The following MMD2 variants were observed in gnomAD, a reference collection of about 807,000 sequenced individuals.
MMD2 encodes monocyte to macrophage differentiation associated 2, also known as monocyte to macrophage differentiation factor 2.
MMD2 carries 30 observed loss-of-function variants against 33.5 expected under a neutral mutation model. The observed-to-expected ratio is 0.90, with a 90% confidence interval of 0.67 to 1.22. The LOEUF (loss-of-function observed/expected upper bound fraction) is 1.22. Ranked by LOEUF, MMD2 falls within the 50% of genes most tolerant of loss-of-function variation. The pLI is 0.00. For missense variants in MMD2, 364 were observed against 325.4 expected (o/e 1.12, Z -0.91); for synonymous variants, 129 against 123.0 (o/e 1.05, Z -0.32).
chr7:4,926,424 C>T (rs987318425), intron 1 of MMD2, among the ~76,000 whole-genome samples: 1 of 151,966 alleles, frequency 6.6e-6, no homozygotes, highest in Non-Finnish European at 1.5e-5. Flanking sequence ...TCTCTAAGTA[C>T]AACTTACAGA....
intron 6 of MMD2, among the ~76,000 whole-genome samples, chr7:4,908,661 G>A (rs112336004): frequency 0.012 from 1,782 of 151,620 alleles, 36 homozygotes; most frequent in African/African-American, 0.041. Context: ...GCACTTTGGA[G>A]GCTAAGGAGG....
chr7:4,923,504 A>T (rs1785339166), intron 2 of MMD2, among the ~76,000 whole-genome samples: 1 of 152,064 alleles, frequency 6.6e-6, no homozygotes, highest in Non-Finnish European at 1.5e-5. Context: ...ACTCACAGCC[A>T]CCCTTGGGAG....
chr7:4,958,181 C>A (rs1786439449), intron 1 of MMD2, among the ~76,000 whole-genome samples: 1 of 152,114 alleles, frequency 6.6e-6, no homozygotes, highest in African/African-American at 2.4e-5. Context: ...GGTCTGTGCT[C>A]GCCGAAGACC....
downstream of MMD2, among the ~76,000 whole-genome samples, chr7:4,903,974 C>T (rs942149536): frequency 6.6e-6 from 1 of 152,150 alleles, no homozygotes; most frequent in Non-Finnish European, 1.5e-5. Flanking sequence ...CTTTTGTTGC[C>T]CAGGCTGGAG....
At chr7:4,898,028 G>A in the MMD2 span, among the ~76,000 whole-genome samples, 4 of 152,084 alleles carry the variant, frequency 2.6e-5, no homozygotes, top group Admixed American at 2.0e-4. Context: ...GTGAGCCACC[G>A]CACCCGGCCT....
chr7:4,892,956 C>G, the MMD2 span, among the ~76,000 whole-genome samples: 1 of 152,134 alleles, frequency 6.6e-6, no homozygotes, highest in African/African-American at 2.4e-5. Flanking sequence ...TATCATGATC[C>G]TCACGCCTCT....
chr7:4,939,619 A>T (rs1298133852), intron 1 of MMD2, among the ~76,000 whole-genome samples: 1 of 152,200 alleles, frequency 6.6e-6, no homozygotes, highest in Non-Finnish European at 1.5e-5. Context: ...CACACAATGG[A>T]ACACTAGATA....
intron 4 of MMD2, 132 bp from the exon 5 acceptor site, chr7:4,911,378 G>A (rs926953758): frequency 4.7e-6 from 3 of 642,054 alleles, no homozygotes; most frequent in Admixed American, 5.7e-5. Context: ...CTGGGACATG[G>A]GCGCTCACAG....
In MMD2 at chr7:4,906,234, T is replaced by C. The variant is rs1784864187; in HGVS notation, c.*1162A>G. On this transcript the variant is annotated 3_prime_UTR_variant, in exon 7 of 7. Coordinates refer to ENST00000401401, the MANE Select transcript of MMD2 (RefSeq NM_198403.4). ...CTGCTACTCACCTCCCCAGTAAATGTCCAGGCAGCATTGGACAGAGAGGCT... is the reference window on the plus strand; with the variant it reads ...CTGCTACTCACCTCCCCAGTAAATGCCCAGGCAGCATTGGACAGAGAGGCT... The C allele has an allele frequency of 5.5e-6, 2 of 362,646 alleles. No individual in the cohort carries two copies. Among genetic ancestry groups the C allele is most frequent in the African/African-American group, 2.1e-5 (1 of 48,012 alleles). 22.5% of individuals were successfully genotyped at this position (362,646 alleles called of 1,614,324 possible).
intron 3 of MMD2, 36 bp downstream of exon 3, chr7:4,920,135 C>G (rs1785238936): frequency 3.9e-6 from 6 of 1,546,988 alleles, no homozygotes; most frequent in Non-Finnish European, 5.2e-6. Flanking sequence ...GCCCCGACCC[C>G]CTACCCGGCA....
rs568020190 is a variant in MMD2, at chr7:4,951,945, C to T, written c.47+7026G>A. ...AGAGTCAGGGTTTCACCATGTTATC[C>T]AGGTTGGTCTTGAACTCCTGGGCTC... On this transcript the variant is annotated intron_variant, in intron 1 of 6. Coordinates refer to ENST00000401401, the MANE Select transcript of MMD2 (RefSeq NM_198403.4). Among the ~76,000 whole-genome samples the T allele has an allele frequency of 2.8e-4, 43 of 152,174 alleles. No homozygotes were observed. In the South Asian group the frequency reaches 8.7e-3, roughly 31 times the overall value.
chr7:4,909,608 T>G, intron 6 of MMD2: 6 of 540,362 alleles, frequency 1.1e-5, no homozygotes, highest in Non-Finnish European at 1.7e-5. Flanking sequence ...TCTGGCTAAT[T>G]TTTTTTTTTT....
the MMD2 span, among the ~76,000 whole-genome samples, chr7:4,892,484 A>G: frequency 6.6e-6 from 1 of 151,626 alleles, no homozygotes; most frequent in African/African-American, 2.4e-5. Context: ...GCTACTCGGG[A>G]GGCTGAGGCA....
At chr7:4,951,085 C>T (rs1169845759) in intron 1 of MMD2, among the ~76,000 whole-genome samples, 2 of 151,976 alleles carry the variant, frequency 1.3e-5, no homozygotes, top group African/African-American at 4.8e-5. Context: ...GGCCTGATGT[C>T]CACAGGCAAC....
At chr7:4,936,480 T>C (rs980079897) in intron 1 of MMD2, among the ~76,000 whole-genome samples, 5 of 152,144 alleles carry the variant, frequency 3.3e-5, no homozygotes, top group African/African-American at 1.2e-4. Flanking sequence ...TTTCATTTGA[T>C]TTGTGTTGTT....
rs1786473711 is a variant in MMD2, at chr7:4,959,149, G to C, written c.-132C>G. 2 of 607,714 alleles carry C rather than the reference G, an allele frequency of 3.3e-6. No homozygotes were observed. Among genetic ancestry groups the C allele is most frequent in the Non-Finnish European group, 4.7e-6 (2 of 429,238 alleles). 37.6% of individuals were successfully genotyped at this position (607,714 alleles called of 1,614,324 possible). A position where few individuals can be genotyped will look rare whatever the true frequency, so the allele number is the denominator to read the frequency against. On this transcript the variant is annotated 5_prime_UTR_variant, in exon 1 of 7. Transcript: ENST00000401401. ...GCCAAGGGGACCTGGTCGGCGCCCG[G>C]AGCCGGAGCCGGAGCCCGAGCCGGA... is the stretch of plus-strand genomic sequence containing the variant.
At chr7:4,911,272 G>A in intron 4 of MMD2, 26 bp from the exon 5 acceptor site, 1 of 1,545,652 alleles carries the variant, frequency 6.5e-7, no homozygotes, top group Admixed American at 1.9e-5. Flanking sequence ...CCAAGGCCAT[G>A]GCCCTGAGGG....
At chr7:4,943,231 A>C (rs1203289636) in intron 1 of MMD2, among the ~76,000 whole-genome samples, 3 of 150,998 alleles carry the variant, frequency 2.0e-5, no homozygotes, top group Non-Finnish European at 4.4e-5. Flanking sequence ...GGCTGGTCTC[A>C]AACTCCTGAC....
At chr7:4,931,307 G>A (rs998668345) in intron 1 of MMD2, among the ~76,000 whole-genome samples, 5 of 150,512 alleles carry the variant, frequency 3.3e-5, no homozygotes, top group African/African-American at 4.9e-5. Flanking sequence ...CACCACACCC[G>A]GCTAATTTAT....
Sources: gnomAD v4.1 joint callset for allele counts (sites outside exome capture counted in the v4.1 genomes callset) on GRCh38, gnomAD v4.1.1 for gene constraint, MANE v1.5 for transcripts, NCBI Gene and HGNC (gene_info 2026-07-23, HGNC 2026-07-21) for gene names.